Variants in MAP3K5 observed in about 807,000 individuals in gnomAD.
MAP3K5 encodes mitogen-activated protein kinase kinase kinase 5.
Under a neutral mutation model 158.7 loss-of-function variants are expected in MAP3K5, and 56 were observed. That is an observed-to-expected ratio of 0.35 (90% CI 0.28 to 0.44). MAP3K5 has a LOEUF of 0.44. Ranked by LOEUF, MAP3K5 falls within the 20% of genes least tolerant of loss-of-function variation. MAP3K5 has a pLI of 1.00. For synonymous variants in MAP3K5, 579 were observed against 601.7 expected (o/e 0.96, Z 0.55); for missense variants, 1,294 against 1,674.8 (o/e 0.77, Z 3.97).
intron 1 of MAP3K5, among the ~76,000 whole-genome samples, chr6:136,771,794 C>A (rs1180392103): frequency 6.6e-6 from 1 of 152,238 alleles, no homozygotes; most frequent in Non-Finnish European, 1.5e-5. Flanking sequence ...TACCCTGCAG[C>A]AGCTCTATCT....
intron 2 of MAP3K5, among the ~76,000 whole-genome samples, chr6:136,706,901 G>C (rs951027760): frequency 6.6e-6 from 1 of 152,202 alleles, no homozygotes; most frequent in African/African-American, 2.4e-5. Flanking sequence ...AAATCTCAGC[G>C]CTTTGGGAGG....
intron 23 of MAP3K5, among the ~76,000 whole-genome samples, chr6:136,588,152 T>C (rs556442424): frequency 6.6e-6 from 1 of 152,184 alleles, no homozygotes; most frequent in African/African-American, 2.4e-5. Context: ...CTAATGGTGA[T>C]TTACTTTCTT....
At chr6:136,677,895 G>A (rs1276501139) in intron 7 of MAP3K5, among the ~76,000 whole-genome samples, 1 of 152,170 alleles carries the variant, frequency 6.6e-6, no homozygotes, top group Admixed American at 6.5e-5. Context: ...CACCTACCAG[G>A]TACAAGGCAT....
intron 28 of MAP3K5, 138 bp downstream of exon 28, chr6:136,561,395 C>T (rs1183141245): frequency 1.2e-5 from 7 of 600,368 alleles, no homozygotes; most frequent in Middle Eastern, 2.6e-4. Flanking sequence ...ACGTGCCTAC[C>T]CTGGTCTGTA....
At chr6:136,653,464 T>A (rs888882866) in intron 10 of MAP3K5, among the ~76,000 whole-genome samples, 1 of 152,210 alleles carries the variant, frequency 6.6e-6, no homozygotes, top group African/African-American at 2.4e-5. Flanking sequence ...GCAACCTTTG[T>A]AGTGTGAGCC....
chr6:136,700,583 T>A (rs1478911840), intron 3 of MAP3K5, among the ~76,000 whole-genome samples: 1 of 152,188 alleles, frequency 6.6e-6, no homozygotes. Context: ...AGTTAAAATA[T>A]GAGAAGAACT....
chr6:136,645,995 T>C (rs1460726859), intron 11 of MAP3K5, among the ~76,000 whole-genome samples: 1 of 152,238 alleles, frequency 6.6e-6, no homozygotes, highest in Non-Finnish European at 1.5e-5. Context: ...ATAGTTGTTT[T>C]AAAGTAACAT....
chr6:136,567,002 A>G (rs1176709453), intron 26 of MAP3K5, among the ~76,000 whole-genome samples: 1 of 152,218 alleles, frequency 6.6e-6, no homozygotes, highest in Non-Finnish European at 1.5e-5. Flanking sequence ...GAAGCTATAA[A>G]TCATAAAAAT....
At chr6:136,697,434 T>G (rs1226385895) in intron 4 of MAP3K5, 47 bp from the exon 5 acceptor site, 3 of 1,460,624 alleles carry the variant, frequency 2.1e-6, no homozygotes, top group Admixed American at 4.0e-5. Flanking sequence ...TAGAAACAAT[T>G]TCAATGAAAA....
intron 1 of MAP3K5, among the ~76,000 whole-genome samples, chr6:136,721,045 C>T (rs1270584070): frequency 6.6e-6 from 1 of 152,088 alleles, no homozygotes; most frequent in Non-Finnish European, 1.5e-5. Flanking sequence ...TTCCAAAATG[C>T]TGGGATTACA....
intron 1 of MAP3K5, among the ~76,000 whole-genome samples, chr6:136,746,179 A>G (rs1464714936): frequency 6.6e-6 from 1 of 152,196 alleles, no homozygotes; most frequent in East Asian, 1.9e-4. Context: ...TATGGTAAAT[A>G]CAGCAGGTTT....
chr6:136,685,153 A>C lies in MAP3K5; in HGVS notation c.1253+8987T>G, dbSNP rs1290532502. On this transcript the variant is annotated intron_variant, in intron 7 of 29. Coordinates refer to ENST00000359015, the MANE Select transcript of MAP3K5 (RefSeq NM_005923.4). ...CATAGGGAAACCTTGTCTCTGCAAA[A>C]AAAAAAATACAAAAAGTAGCTGGGC... Among the ~76,000 whole-genome samples the C allele has an allele frequency of 2.6e-5, 4 of 151,936 alleles. No individual in the cohort carries two copies. In the East Asian group the frequency reaches 7.7e-4, roughly 29 times the overall value.
intron 12 of MAP3K5, among the ~76,000 whole-genome samples, chr6:136,641,013 T>C (rs547509872): frequency 6.6e-6 from 1 of 152,176 alleles, no homozygotes; most frequent in Non-Finnish European, 1.5e-5. Context: ...TAAAGAAAAT[T>C]TATTCATTGG....
At chr6:136,749,334 C>T (rs1281410384) in intron 1 of MAP3K5, among the ~76,000 whole-genome samples, 1 of 150,308 alleles carries the variant, frequency 6.7e-6, no homozygotes, top group African/African-American at 2.5e-5. Context: ...GATCATGCTA[C>T]TGCACTCCAG....
At chr6:136,561,504 A>G (rs368263367) in intron 28 of MAP3K5, 29 bp downstream of exon 28, 1 of 1,498,908 alleles carries the variant, frequency 6.7e-7, no homozygotes, top group African/African-American at 1.4e-5. Flanking sequence ...AAGTGAAAGA[A>G]TACTTGTCCC....
chr6:136,558,945 T>A, intron 28 of MAP3K5, 69 bp from the exon 29 acceptor site: 1 of 791,318 alleles, frequency 1.3e-6, no homozygotes, highest in South Asian at 1.5e-5. Context: ...ACTCTATTCA[T>A]AATGTAAACC....
At chr6:136,592,780 G>T in intron 21 of MAP3K5, 166 bp from the exon 22 acceptor site, 1 of 717,856 alleles carries the variant, frequency 1.4e-6, no homozygotes, top group Non-Finnish European at 2.5e-6. Flanking sequence ...TGCCTCCCTT[G>T]CTCAGCATAA....
chr6:136,642,765 T>A (rs1043900346), intron 11 of MAP3K5, among the ~76,000 whole-genome samples, 196 bp from the exon 12 acceptor site: 5 of 152,170 alleles, frequency 3.3e-5, no homozygotes, highest in African/African-American at 1.2e-4. Context: ...TACTTAATAA[T>A]TCCTGTACTT....
intron 7 of MAP3K5, among the ~76,000 whole-genome samples, chr6:136,677,593 C>T (rs1779762343): frequency 6.6e-6 from 1 of 152,212 alleles, no homozygotes; most frequent in Admixed American, 6.5e-5. Flanking sequence ...TCCACATTGT[C>T]TTCCATCTGG....
Sources: gnomAD v4.1 joint callset for allele counts (sites outside exome capture counted in the v4.1 genomes callset) on GRCh38, gnomAD v4.1.1 for gene constraint, MANE v1.5 for transcripts, NCBI Gene and HGNC (gene_info 2026-07-23, HGNC 2026-07-21) for gene names.